Variants in ARSG observed in about 807,000 individuals in gnomAD.
ARSG encodes ASG.
ARSG carries 37 observed loss-of-function variants against 50.5 expected under a neutral mutation model. The observed-to-expected ratio is 0.73, with a 90% CI of 0.56 to 0.96. The LOEUF is 0.96. ARSG is among the 50% of genes least tolerant of loss of function. The pLI, the probability that ARSG is intolerant of heterozygous loss-of-function variation, is 0.00. For synonymous variants in ARSG, 225 were observed against 254.6 expected (o/e 0.88, Z 1.11); for missense variants, 629 against 675.3 (o/e 0.93, Z 0.76).
chr17:68,270,870 G>A (rs559444040), intron 1 of ARSG: 43 of 1,613,812 alleles, frequency 2.7e-5, no homozygotes, highest in Non-Finnish European at 3.4e-5. Flanking sequence ...GTCCTGCTAT[G>A]CTCTGAATGA....
Position 68,328,863 on chromosome 17 carries a change from CG to C in ARSG, c.219-14740del, listed in dbSNP as rs1236636148. Among the ~76,000 whole-genome samples, 16 of 137,238 alleles carry C rather than the reference CG, an allele frequency of 1.2e-4. No homozygotes were observed. In the South Asian group the frequency reaches 3.7e-3, roughly 32 times the overall value. 90.0% of individuals were successfully genotyped at this position (137,238 alleles called of 152,430 possible). Reference sequence around the variant, plus strand: ...ACCAGACTGGAAGAAACAGGTCTTACGAGGTAGAGTGCAGGACCTGAGCTGC... The same window carrying C: ...ACCAGACTGGAAGAAACAGGTCTTACAGGTAGAGTGCAGGACCTGAGCTGC... On this transcript the variant is annotated intron_variant, in intron 2 of 11. Coordinates refer to ENST00000621439, the MANE Select transcript of ARSG (RefSeq NM_001267727.2).
At chr17:68,315,323 C>T (rs1295434170) in intron 2 of ARSG, among the ~76,000 whole-genome samples, 1 of 152,070 alleles carries the variant, frequency 6.6e-6, no homozygotes, top group African/African-American at 2.4e-5. Context: ...GGAAGGATTG[C>T]TTGAGCTCAG....
At chr17:68,347,781 A>T (rs1474322714) in intron 4 of ARSG, among the ~76,000 whole-genome samples, 1 of 152,178 alleles carries the variant, frequency 6.6e-6, no homozygotes, top group East Asian at 1.9e-4. Flanking sequence ...GAAGCCGTGG[A>T]CTTTCTCTTA....
the ARSG span, chr17:68,428,420 A>C: frequency 5.6e-6 from 1 of 177,394 alleles, no homozygotes; most frequent in Non-Finnish European, 1.2e-5. Flanking sequence ...TTTGGTATAG[A>C]TGGGGTTTCA....
chr17:68,395,169 T>C lies in ARSG; in HGVS notation c.1188T>C (p.Phe396=). The change falls in exon 10 of 12, where the codon TTT becomes TTC. Residue 396 remains phenylalanine (F), a synonymous_variant. Transcript: ENST00000621439. The part of the protein sequence containing the change: ...FDGVDVSEVL[F]GRSQPGHRVL... ...GTGTGGACGTCTCCGAGGTGCTCTT[T>C]GGCCGGTCACAGCCTGGGCACAGGG... 1 of 1,614,118 alleles carries C rather than the reference T, an allele frequency of 6.2e-7. No individual in the cohort carries two copies.
chr17:68,387,123 CTTTTA>C (rs1171873777), intron 9 of ARSG, among the ~76,000 whole-genome samples: 13 of 144,982 alleles, frequency 9.0e-5, no homozygotes, highest in African/African-American at 2.8e-4. Context: ...ACACACATAC[CTTTTA>C]TTTTATTTAT....
intron 6 of ARSG, among the ~76,000 whole-genome samples, chr17:68,359,307 G>A (rs1644329679): frequency 6.6e-6 from 1 of 152,136 alleles, no homozygotes; most frequent in South Asian, 2.1e-4. Flanking sequence ...GTGAAATAAT[G>A]GACAACTCCA....
At chr17:68,357,588 A>G (rs1164746912) in intron 6 of ARSG, among the ~76,000 whole-genome samples, 1 of 152,226 alleles carries the variant, frequency 6.6e-6, no homozygotes, top group Non-Finnish European at 1.5e-5. Context: ...CACAGATTCC[A>G]GGAATTAGAC....
chr17:68,431,388 C>T, the ARSG span, among the ~76,000 whole-genome samples: 37 of 151,904 alleles, frequency 2.4e-4, no homozygotes, highest in Non-Finnish European at 3.4e-4. Context: ...CGGCACGTGG[C>T]GCATACTGTT....
At chr17:68,438,940 T>C in the ARSG span, among the ~76,000 whole-genome samples, 1 of 152,142 alleles carries the variant, frequency 6.6e-6, no homozygotes, top group Admixed American at 6.5e-5. Flanking sequence ...AAAAACACGA[T>C]GAGATACCAC....
chr17:68,269,316 C>T, intron 1 of ARSG: 1 of 1,247,620 alleles, frequency 8.0e-7, no homozygotes, highest in South Asian at 1.5e-5. Context: ...GAAGGCCCTG[C>T]TGTAGATCTT....
chr17:68,358,116 T>A (rs2146514600), intron 6 of ARSG, among the ~76,000 whole-genome samples: 1 of 152,086 alleles, frequency 6.6e-6, no homozygotes. Context: ...GGATGGAGGA[T>A]CACTTGAGCC....
At chr17:68,299,500 C>G (rs1279370859) in intron 1 of ARSG, among the ~76,000 whole-genome samples, 1 of 151,746 alleles carries the variant, frequency 6.6e-6, no homozygotes, top group Non-Finnish European at 1.5e-5. Flanking sequence ...AAAAAAAAAT[C>G]GAACCTGGAT....
At chr17:68,372,957 T>A (rs2079936494) in intron 8 of ARSG, among the ~76,000 whole-genome samples, 1 of 143,456 alleles carries the variant, frequency 7.0e-6, no homozygotes, top group African/African-American at 2.6e-5. Context: ...AGTGGCACGA[T>A]CTTGGCTCAC....
chr17:68,343,736 C>A lies in ARSG; in HGVS notation c.351C>A (p.Asn117Lys), dbSNP rs755440237. 1 of 1,614,026 alleles carries A rather than the reference C, an allele frequency of 6.2e-7. No individual in the cohort carries two copies. Among genetic ancestry groups the A allele is most frequent in the African/African-American group, 1.3e-5 (1 of 74,940 alleles). ...CTTCTGTGGGAGGCCTTCCGCTCAA[C>A]GAGACCACCTTGGCAGAGGTGCTGC... ...AVTSVGGLPL[N>K]ETTLAEVLQQ... is the part of the protein sequence containing the mutation. Residue 117 changes from asparagine to lysine, a missense_variant, in exon 3 of 12, where the codon AAC becomes AAA. By Grantham distance (94) the Asn-to-Lys change is moderately conservative. Coordinates refer to ENST00000621439, the MANE Select transcript of ARSG (RefSeq NM_001267727.2).
chr17:68,295,133 C>T (rs1052428819), intron 1 of ARSG, among the ~76,000 whole-genome samples: 4 of 151,598 alleles, frequency 2.6e-5, no homozygotes, highest in Non-Finnish European at 2.9e-5. Context: ...AGGAGGATGG[C>T]GATCAGGGAA....
chr17:68,353,703 T>C lies in ARSG; in HGVS notation c.566+2017T>C, dbSNP rs575255953. Among the ~76,000 whole-genome samples, 12 of 152,306 alleles carry C rather than the reference T, an allele frequency of 7.9e-5. No individual in the cohort carries two copies. The East Asian group carries it at 1.5e-3, about 20-fold the overall frequency. ...TCTTTTTAAAATTTTAAAATTTTAA[T>C]TAATTTATTTTTTGGAAGGATGGAG... On this transcript the variant is annotated intron_variant, in intron 5 of 11. Coordinates refer to ENST00000621439, the MANE Select transcript of ARSG (RefSeq NM_001267727.2).
intron 8 of ARSG, among the ~76,000 whole-genome samples, chr17:68,384,088 AT>A (rs1248826488): frequency 2.0e-5 from 3 of 152,088 alleles, no homozygotes; most frequent in African/African-American, 7.2e-5. Flanking sequence ...TCCCCACATA[AT>A]TGCTTTCATT....
Position 68,314,750 on chromosome 17 carries a change from T to C in ARSG, c.218+7039T>C, listed in dbSNP as rs77668953. Among the ~76,000 whole-genome samples, 166 of 152,282 alleles carry C rather than the reference T, an allele frequency of 1.1e-3. 5 individuals carry two copies. The East Asian group carries it at 0.029, about 27-fold the overall frequency. On this transcript the variant is annotated intron_variant, in intron 2 of 11. Transcript: ENST00000621439. ...AAGTAATCTGTGTAATCAGTTAGCA[T>C]AGAGCCTAGCATACAATAGATAGGG...
Sources: gnomAD v4.1 joint callset for allele counts (sites outside exome capture counted in the v4.1 genomes callset) on GRCh38, gnomAD v4.1.1 for gene constraint, MANE v1.5 for transcripts, NCBI Gene and HGNC (gene_info 2026-07-23, HGNC 2026-07-21) for gene names.